The following CCDC192 variants were observed in gnomAD, a reference collection of about 807,000 sequenced individuals.
CCDC192 encodes coiled-coil domain-containing protein 192.
At chr5:127,845,012 G>A (rs571088427) in intron 5 of CCDC192, among the ~76,000 whole-genome samples, 20 of 152,298 alleles carry the variant, frequency 1.3e-4, no homozygotes, top group Non-Finnish European at 2.5e-4. Flanking sequence ...TGCACTGCTA[G>A]TCTCTGTTCT....
chr5:127,814,165 C>A (rs1459080000), intron 5 of CCDC192, among the ~76,000 whole-genome samples: 3 of 152,078 alleles, frequency 2.0e-5, no homozygotes, highest in Non-Finnish European at 4.4e-5. Context: ...GGGGAGAATG[C>A]AGACGGCAGT....
intron 3 of CCDC192, among the ~76,000 whole-genome samples, chr5:127,775,707 G>C (rs1289578736): frequency 6.6e-6 from 1 of 152,160 alleles, no homozygotes; most frequent in Non-Finnish European, 1.5e-5. Flanking sequence ...ATCTTGATTT[G>C]TAGCTCCCAT....
At chr5:127,882,782 T>G (rs1212061452) in intron 6 of CCDC192, among the ~76,000 whole-genome samples, 1 of 152,190 alleles carries the variant, frequency 6.6e-6, no homozygotes, top group Non-Finnish European at 1.5e-5. Context: ...ATGTTAATAT[T>G]TATTGGAATA....
At position 127,817,927 on chromosome 5, in the gene CCDC192, T is replaced by G. The variant is rs1749103820; in HGVS notation, c.411+19765T>G. Among the ~76,000 whole-genome samples, 3 of 152,154 alleles carry G rather than the reference T, an allele frequency of 2.0e-5. No individual in the cohort carries two copies. The South Asian group carries it at 6.2e-4, about 32-fold the overall frequency. On this transcript the variant is annotated intron_variant, in intron 5 of 6. Transcript: ENST00000514853. ...TGCATCTAGTCCTTACATGTGTAAA[T>G]CTCCTAAGCTATGACATTGTAGAAG...
intron 2 of CCDC192, among the ~76,000 whole-genome samples, chr5:127,720,649 G>T (rs111399951): frequency 0.02 from 3,027 of 152,314 alleles, 102 homozygotes; most frequent in African/African-American, 0.069. Flanking sequence ...CCTAGTAGAG[G>T]TTCTCCATGA....
At chr5:127,865,388 A>G (rs968850457) in intron 5 of CCDC192, among the ~76,000 whole-genome samples, 1 of 152,088 alleles carries the variant, frequency 6.6e-6, no homozygotes, top group Non-Finnish European at 1.5e-5. Flanking sequence ...TCCACAGAGC[A>G]GGACTGACAC....
chr5:127,754,310 C>T lies in CCDC192; in HGVS notation c.157C>T (p.Gln53Ter). 1 of 398,584 alleles carries T rather than the reference C, an allele frequency of 2.5e-6. No individual in the cohort carries two copies. The highest frequency in any genetic ancestry group is 4.4e-6 in the Non-Finnish European group (1 of 225,974). The allele number at this position is 398,584 out of a possible 1,614,324, so 24.7% of individuals were successfully genotyped here. Residue 53 changes from glutamine to a stop codon, truncating the protein, a stop_gained, in exon 3 of 7, where the codon CAA becomes TAA. Coordinates refer to ENST00000514853, the MANE Select transcript of CCDC192 (RefSeq NM_001317938.2). LOFTEE classifies it high-confidence loss of function. ...DTGQMAFTLA[Q>*]LESLEICLKE... ...TGGACAGATGGCGTTTACCTTGGCCCAACTTGAGTCCTTGGAGATTTGCCT... is the reference window on the plus strand; with the variant it reads ...TGGACAGATGGCGTTTACCTTGGCCTAACTTGAGTCCTTGGAGATTTGCCT...
At chr5:127,838,897 A>C (rs1219018790) in intron 5 of CCDC192, among the ~76,000 whole-genome samples, 1 of 152,210 alleles carries the variant, frequency 6.6e-6, no homozygotes, top group Non-Finnish European at 1.5e-5. Context: ...GGGGTGACTC[A>C]GCCTCAAACA....
intron 2 of CCDC192, among the ~76,000 whole-genome samples, chr5:127,716,999 A>G (rs1019845787): frequency 2.0e-5 from 3 of 152,232 alleles, no homozygotes; most frequent in Admixed American, 1.3e-4. Context: ...TAACCTAATG[A>G]ATGAGGTTGT....
At chr5:127,744,475 T>C (rs972466508) in intron 2 of CCDC192, among the ~76,000 whole-genome samples, 1 of 152,206 alleles carries the variant, frequency 6.6e-6, no homozygotes, top group Admixed American at 6.5e-5. Flanking sequence ...GGGCTGCTGC[T>C]GGAACCCTGA....
chr5:127,861,787 A>G (rs1226143574), intron 5 of CCDC192, among the ~76,000 whole-genome samples: 1 of 152,190 alleles, frequency 6.6e-6, no homozygotes, highest in Non-Finnish European at 1.5e-5. Flanking sequence ...AAAAAATCCC[A>G]TTTGGCATTT....
intron 3 of CCDC192, among the ~76,000 whole-genome samples, chr5:127,796,866 C>T (rs887720506): frequency 6.6e-6 from 1 of 152,098 alleles, no homozygotes; most frequent in African/African-American, 2.4e-5. Context: ...CTATATTCTC[C>T]GTTGTAACTA....
At chr5:127,795,250 A>AT (rs1484322810) in intron 3 of CCDC192, among the ~76,000 whole-genome samples, 15 of 145,502 alleles carry the variant, frequency 1.0e-4, no homozygotes, top group Admixed American at 8.6e-4. Flanking sequence ...CGATTGCGCC[A>AT]TTGCATTCCA....
chr5:127,920,865 A>G (rs1221028966), intron 6 of CCDC192, among the ~76,000 whole-genome samples: 2 of 151,542 alleles, frequency 1.3e-5, no homozygotes, highest in African/African-American at 4.8e-5. Context: ...GTTTGAGATC[A>G]GCCTGGTCAA....
intron 6 of CCDC192, among the ~76,000 whole-genome samples, chr5:127,909,897 T>A (rs1753299368): frequency 6.6e-6 from 1 of 152,246 alleles, no homozygotes; most frequent in African/African-American, 2.4e-5. Context: ...CAATGGCTTT[T>A]ATTGCCTCTT....
At chr5:127,731,269 C>T (rs1752623933) in intron 2 of CCDC192, among the ~76,000 whole-genome samples, 1 of 151,998 alleles carries the variant, frequency 6.6e-6, no homozygotes. Flanking sequence ...TTCACAATTG[C>T]TAGAAAGAGA....
chr5:127,739,531 C>G lies in CCDC192; in HGVS notation c.115-14737C>G, dbSNP rs561468203. On this transcript the variant is annotated intron_variant, in intron 2 of 6. Transcript: ENST00000514853. Reference sequence around the variant, plus strand: ...ATGGTGGGCGCCCCTCCCCCAGCCTCGCTGCCGCCTTGCAGTTTGATCTCA... The same window carrying G: ...ATGGTGGGCGCCCCTCCCCCAGCCTGGCTGCCGCCTTGCAGTTTGATCTCA... The G allele has an allele frequency of 1.4e-3, 228 of 162,454 alleles. 3 individuals carry two copies. The highest frequency in any genetic ancestry group is 5.7e-3 in the Middle Eastern group (2 of 352). The allele number at this position is 162,454 out of a possible 1,614,324, so 10.1% of individuals were successfully genotyped here.
At chr5:127,931,152 G>A (rs961440468) in intron 6 of CCDC192, among the ~76,000 whole-genome samples, 3 of 152,132 alleles carry the variant, frequency 2.0e-5, no homozygotes, top group African/African-American at 7.2e-5. Context: ...GAGTCACTGT[G>A]CTTCCAACCC....
intron 2 of CCDC192, among the ~76,000 whole-genome samples, chr5:127,738,027 G>A (rs1386582866): frequency 6.6e-6 from 1 of 151,860 alleles, no homozygotes; most frequent in Non-Finnish European, 1.5e-5. Flanking sequence ...TCCTAGTCTC[G>A]ATGGTCCTTA....
Sources: allele counts gnomAD v4.1 joint callset (sites outside exome capture counted in the v4.1 genomes callset), GRCh38; gene constraint gnomAD v4.1.1; transcripts MANE v1.5; gene names NCBI Gene and HGNC (gene_info 2026-07-23, HGNC 2026-07-21).